USP50: variants seen among roughly 807,000 people sequenced by gnomAD.
The protein encoded by USP50 is ubiquitin carboxyl-terminal hydrolase 50.
A neutral mutation model predicts 39.2 loss-of-function variants in USP50; 37 were observed. The observed-to-expected ratio is 0.94, with a 90% CI of 0.73 to 1.24. USP50 has a LOEUF of 1.24. Ranked by LOEUF, USP50 falls within the 50% of genes most tolerant of loss-of-function variation. The pLI, the probability that USP50 is intolerant of heterozygous loss-of-function variation, is 0.00. For synonymous variants in USP50, 139 were observed against 144.5 expected (o/e 0.96, Z 0.27); for missense variants, 374 against 398.2 (o/e 0.94, Z 0.52).
At chr15:50,542,481 A>ATTTTTTTTTTTTTTTTT in intron 3 of USP50, among the ~76,000 whole-genome samples, 1 of 97,396 alleles carries the variant, frequency 1.0e-5, no homozygotes, top group Non-Finnish European at 1.9e-5. Flanking sequence ...TTTCCTTTTC[A>ATTTTTTTTTTTTTTTTT]TTTTTTTTTT....
chr15:50,508,270 T>A (rs1350620682), intron 6 of USP50: 2 of 152,096 alleles, frequency 1.3e-5, no homozygotes, highest in African/African-American at 2.4e-5. Context: ...AAATACTATA[T>A]CAAAACATGG....
At chr15:50,534,972 CT>C (rs1420077675) in intron 5 of USP50, among the ~76,000 whole-genome samples, 5 of 152,074 alleles carry the variant, frequency 3.3e-5, no homozygotes, top group Admixed American at 2.6e-4. Flanking sequence ...TAAACCCTGT[CT>C]CTACTAAAAA....
intron 6 of USP50, chr15:50,502,160 T>A (rs1003726836): frequency 6.6e-6 from 1 of 152,242 alleles, no homozygotes; most frequent in Non-Finnish European, 1.5e-5. Context: ...CAGGCTGGAA[T>A]GCAGTGGCAC....
chr15:50,517,472 CA>C (rs55860665), intron 6 of USP50, among the ~76,000 whole-genome samples: 60,416 of 140,844 alleles, frequency 0.43, 12,317 homozygotes, highest in Admixed American at 0.51. Context: ...AACTCCATCT[CA>C]AAAAAAAAAA....
downstream of USP50, chr15:50,493,968 A>C: frequency 1.6e-6 from 2 of 1,280,596 alleles, no homozygotes; most frequent in South Asian, 2.4e-5. Context: ...ATGTAGTGCT[A>C]CAGTATGTGA....
At chr15:50,511,320 C>G (rs2052737111) in intron 6 of USP50, 1 of 152,096 alleles carries the variant, frequency 6.6e-6, no homozygotes. Context: ...GTTCCAGTTG[C>G]TGGTGGGAAC....
At chr15:50,541,853 T>C (rs2141380247) in intron 3 of USP50, among the ~76,000 whole-genome samples, 1 of 152,174 alleles carries the variant, frequency 6.6e-6, no homozygotes, top group African/African-American at 2.4e-5. Context: ...ATCTTTCCTG[T>C]CTCCAGTCCC....
In USP50 at chr15:50,500,669, T is replaced by C. The variant is rs1185093059; in HGVS notation, c.*100A>G. ...TTTCCTGGCTCTTAACGCTTTTGTATTGGTATGGAAAAGGGCTGGCAGCTA... is the reference window on the plus strand; with the variant it reads ...TTTCCTGGCTCTTAACGCTTTTGTACTGGTATGGAAAAGGGCTGGCAGCTA... On this transcript the variant is annotated 3_prime_UTR_variant, in exon 7 of 7. Coordinates refer to ENST00000532404, the MANE Select transcript of USP50 (RefSeq NM_203494.5). 8.7e-7 allele frequency: 1 copy of C among 1,154,018 alleles called. No individual in the cohort carries two copies. The highest frequency in any genetic ancestry group is 1.3e-6 in the Non-Finnish European group (1 of 791,930). The allele number at this position is 1,154,018 out of a possible 1,614,324, so 71.5% of individuals were successfully genotyped here.
downstream of USP50, chr15:50,493,872 G>A (rs1312566174): frequency 1.3e-6 from 1 of 744,172 alleles, no homozygotes. Context: ...AGGGCTTGCA[G>A]CCAAAAGAAG....
intron 6 of USP50, among the ~76,000 whole-genome samples, chr15:50,525,532 GTATATGTATATATGTATATATGTGTA>G (rs1566907465): frequency 2.2e-5 from 2 of 88,924 alleles, no homozygotes; most frequent in African/African-American, 1.0e-4. Flanking sequence ...ATATGTATAT[GTATATGTATATATGTATATATGTGTA>G]TATATGTATA....
At position 50,541,127 on chromosome 15, in the gene USP50, A is replaced by G. The variant is rs1361373933; in HGVS notation, c.582T>C (p.Cys194=). ...QLNYSIVCLK[C]EKCTYKNEVF... is the part of the protein sequence containing the mutation. ...CTTCGTTCTTGTAGGTGCATTTCTC[A>G]CACTTTAAACATACGATGCTATAAT... The change falls in exon 4 of 7, where the codon TGT becomes TGC. Residue 194 remains cysteine, a synonymous_variant. Coordinates refer to ENST00000532404, the MANE Select transcript of USP50 (RefSeq NM_203494.5). 1 of 1,613,884 alleles carries G rather than the reference A, an allele frequency of 6.2e-7. No homozygotes were observed. The highest frequency in any genetic ancestry group is 1.3e-5 in the African/African-American group (1 of 75,012).
At chr15:50,542,461 TG>T (rs1229175913) in intron 3 of USP50, among the ~76,000 whole-genome samples, 3 of 149,400 alleles carry the variant, frequency 2.0e-5, no homozygotes, top group Admixed American at 6.8e-5. Context: ...AATATGTTTT[TG>T]TTTTTTTTTT....
chr15:50,542,059 A>AAAG (rs1287643171), intron 3 of USP50, among the ~76,000 whole-genome samples: 1 of 151,772 alleles, frequency 6.6e-6, no homozygotes, highest in Non-Finnish European at 1.5e-5. Context: ...AAAAAAAAAA[A>AAAG]AAGATAAGAG....
At position 50,541,251 on chromosome 15, in the gene USP50, C is replaced by T. The variant is rs376238229; in HGVS notation, c.458G>A (p.Arg153Gln). The change falls in exon 4 of 7, where the codon CGG (arginine) becomes CAG (glutamine). Residue 153 changes from arginine to glutamine, a missense_variant. Physicochemically the swap from Arg to Gln is conservative, Grantham distance 43. Coordinates refer to ENST00000532404, the MANE Select transcript of USP50 (RefSeq NM_203494.5). ...HEALKKYHYS[R>Q]RRSYEKGSTQ... is the part of the protein sequence containing the mutation. ...AGATCCTTTCTCATATGATCTTCTCCGGGAGTAGTGGTACTGAATCAAGGA... is the reference window on the plus strand; with the variant it reads ...AGATCCTTTCTCATATGATCTTCTCTGGGAGTAGTGGTACTGAATCAAGGA... The T allele has an allele frequency of 5.7e-5, 92 of 1,613,050 alleles. No individual in the cohort carries two copies. Among genetic ancestry groups the T allele is most frequent in the East Asian group, 1.8e-4 (8 of 44,876 alleles).
At chr15:50,537,719 G>C (rs1043954007) in intron 5 of USP50, among the ~76,000 whole-genome samples, 2 of 151,256 alleles carry the variant, frequency 1.3e-5, no homozygotes, top group Admixed American at 6.6e-5. Context: ...AATTAGCTGG[G>C]CGTGGTGGCG....
At chr15:50,539,811 G>A (rs987257027) in intron 4 of USP50, among the ~76,000 whole-genome samples, 2 of 152,144 alleles carry the variant, frequency 1.3e-5, no homozygotes, top group African/African-American at 4.8e-5. Context: ...CAGGGTTTGG[G>A]GGTGGCCCAT....
chr15:50,511,622 T>G (rs1373277217), intron 6 of USP50: 1 of 152,214 alleles, frequency 6.6e-6, no homozygotes, highest in African/African-American at 2.4e-5. Flanking sequence ...TGCTATGACA[T>G]GAATGAAACT....
At chr15:50,529,090 G>A (rs191059799) in intron 6 of USP50, among the ~76,000 whole-genome samples, 66 of 152,102 alleles carry the variant, frequency 4.3e-4, no homozygotes, top group Non-Finnish European at 6.8e-4. Flanking sequence ...GATCATAGTC[G>A]ACTTAGAACC....
chr15:50,521,651 G>GA (rs1306466472), intron 6 of USP50, among the ~76,000 whole-genome samples: 7 of 152,100 alleles, frequency 4.6e-5, no homozygotes, highest in East Asian at 1.9e-4. Flanking sequence ...GCTAGACTAA[G>GA]AAAAAAAGAC....
Sources: gnomAD v4.1 joint callset for allele counts (sites outside exome capture counted in the v4.1 genomes callset) on GRCh38, gnomAD v4.1.1 for gene constraint, MANE v1.5 for transcripts, NCBI Gene and HGNC (gene_info 2026-07-23, HGNC 2026-07-21) for gene names.